GLDC: variants seen among roughly 807,000 people sequenced by gnomAD.
The protein encoded by GLDC is glycine decarboxylase.
In GLDC, 104 loss-of-function variants were observed where a neutral mutation model predicts 121.3. The ratio of observed to expected loss-of-function variants is 0.86; its 90% confidence interval spans 0.73 to 1.01. The LOEUF is 1.01. Among genes scored for constraint, GLDC ranks in the 50% least tolerant of loss-of-function variants. The probability of loss-of-function intolerance (pLI) is 0.00; values close to 1 mark genes in which losing one functional copy is unlikely to be tolerated. For missense variants in GLDC, 1,429 were observed against 1,306.6 expected, an observed-to-expected ratio of 1.09 and a Z score of -1.44; for synonymous variants, 546 against 480.6, an observed-to-expected ratio of 1.14 and a Z score of -1.78.
intron 15 of GLDC, among the ~76,000 whole-genome samples, chr9:6,572,962 G>A (rs1183038936): frequency 2.0e-5 from 3 of 152,128 alleles, no homozygotes; most frequent in African/African-American, 7.2e-5. Context: ...AGCCACCCGG[G>A]AGTTTCTCTC....
At chr9:6,607,968 C>A (rs1317858732) in intron 4 of GLDC, among the ~76,000 whole-genome samples, 13 of 151,680 alleles carry the variant, frequency 8.6e-5, no homozygotes, top group Admixed American at 8.5e-4. Context: ...ACAAAAAATA[C>A]AAAAATTAGC....
intron 15 of GLDC, among the ~76,000 whole-genome samples, chr9:6,579,018 G>C (rs963889616): frequency 6.6e-5 from 10 of 152,190 alleles, no homozygotes; most frequent in African/African-American, 2.4e-4. Flanking sequence ...TGTTTGTTAA[G>C]AAATCATTTA....
At chr9:6,622,283 T>C (rs922769455) in intron 2 of GLDC, among the ~76,000 whole-genome samples, 1 of 150,548 alleles carries the variant, frequency 6.6e-6, no homozygotes, top group East Asian at 2.0e-4. Context: ...CCTCTCCCTC[T>C]TTCCACGGGC....
chr9:6,625,390 GC>G (rs1411225656), intron 2 of GLDC, among the ~76,000 whole-genome samples: 1 of 152,148 alleles, frequency 6.6e-6, no homozygotes, highest in Non-Finnish European at 1.5e-5. Flanking sequence ...TTGGCTGCAT[GC>G]CTGGAGAAAA....
chr9:6,586,699 T>TC (rs1315498558), intron 15 of GLDC, among the ~76,000 whole-genome samples: 2 of 152,152 alleles, frequency 1.3e-5, no homozygotes, highest in African/African-American at 4.8e-5. Flanking sequence ...CCAGGTGTTG[T>TC]CCCCTCCCCG....
chr9:6,583,804 C>T (rs1395414747), intron 15 of GLDC, among the ~76,000 whole-genome samples: 1 of 152,116 alleles, frequency 6.6e-6, no homozygotes, highest in East Asian at 1.9e-4. Flanking sequence ...TACGAGGTTC[C>T]TAAAGTAGTC....
chr9:6,587,117 C>A, intron 15 of GLDC, 24 bp downstream of exon 15: 1 of 1,601,510 alleles, frequency 6.2e-7, no homozygotes, highest in Non-Finnish European at 8.5e-7. Flanking sequence ...ATTGCTGAAA[C>A]AATAAGAAAA....
intron 3 of GLDC, among the ~76,000 whole-genome samples, chr9:6,615,343 T>C (rs1818947281): frequency 6.6e-6 from 1 of 151,900 alleles, no homozygotes; most frequent in Admixed American, 6.6e-5. Flanking sequence ...CTGTCAGCAC[T>C]TTGGGAGGAA....
chr9:6,610,391 C>G (rs752603723), intron 3 of GLDC, 35 bp from the exon 4 acceptor site: 3 of 1,609,478 alleles, frequency 1.9e-6, no homozygotes, highest in South Asian at 1.1e-5. Flanking sequence ...TCCAAACTGA[C>G]TGCTGTTTAG....
chr9:6,562,631 C>T (rs544806330), intron 16 of GLDC, among the ~76,000 whole-genome samples: 23 of 152,308 alleles, frequency 1.5e-4, no homozygotes, highest in African/African-American at 5.1e-4. Flanking sequence ...GCGATCTCAG[C>T]TCACTGCAAC....
At chr9:6,569,787 C>A (rs369013616) in intron 15 of GLDC, among the ~76,000 whole-genome samples, 2 of 151,596 alleles carry the variant, frequency 1.3e-5, no homozygotes, top group Admixed American at 6.6e-5. Context: ...ACCAGCCTGG[C>A]GAACATGGCA....
chr9:6,605,457 C>T (rs188365484), intron 5 of GLDC, 179 bp from the exon 6 acceptor site: 11 of 664,584 alleles, frequency 1.7e-5, no homozygotes, highest in South Asian at 6.6e-5. Context: ...GCAACTCAAG[C>T]GCATCCAACA....
At chr9:6,552,319 G>C (rs888244908) in intron 20 of GLDC, among the ~76,000 whole-genome samples, 1 of 152,164 alleles carries the variant, frequency 6.6e-6, no homozygotes, top group Admixed American at 6.5e-5. Flanking sequence ...CCTATATGTG[G>C]GAAGTCATCT....
At chr9:6,621,043 A>C (rs1405637631) in intron 2 of GLDC, among the ~76,000 whole-genome samples, 1 of 152,128 alleles carries the variant, frequency 6.6e-6, no homozygotes. Context: ...GGTGGTTCAC[A>C]CCTGTGGTCC....
intron 2 of GLDC, among the ~76,000 whole-genome samples, chr9:6,640,428 G>T (rs1176801201): frequency 6.6e-6 from 1 of 152,196 alleles, no homozygotes; most frequent in African/African-American, 2.4e-5. Flanking sequence ...AGTTGCCCCT[G>T]GGGTCAGTTC....
intron 9 of GLDC, among the ~76,000 whole-genome samples, chr9:6,593,268 G>GATATATATAT (rs34438524): frequency 6.9e-5 from 10 of 143,918 alleles, no homozygotes; most frequent in African/African-American, 2.3e-4. Context: ...GGTAGTATCA[G>GATATATATAT]ATATATATAT....
In GLDC at chr9:6,578,042, G is replaced by A. The variant is rs77418145; in HGVS notation, c.1850+9099C>T. 2.0e-3 allele frequency among the ~76,000 whole-genome samples: 300 copies of A among 152,032 alleles called. 2 individuals carry two copies. The highest frequency in any genetic ancestry group is 6.5e-3 in the African/African-American group (270 of 41,444). ...CAATCCTCTGGCCTCGGCCTCTCGA[G>A]TAGCTGGGACTACAGAAACACGCCA... is the stretch of plus-strand genomic sequence containing the variant. On this transcript the variant is annotated intron_variant, in intron 15 of 24. Transcript: ENST00000321612.
At chr9:6,631,816 C>G (rs1249084088) in intron 2 of GLDC, among the ~76,000 whole-genome samples, 1 of 152,196 alleles carries the variant, frequency 6.6e-6, no homozygotes, top group African/African-American at 2.4e-5. Context: ...CCTGTAATCC[C>G]AGCAATTTGG....
intron 2 of GLDC, among the ~76,000 whole-genome samples, chr9:6,629,955 A>T (rs71490276): frequency 0.087 from 7,293 of 84,236 alleles, 823 homozygotes; most frequent in African/African-American, 0.25. Context: ...GTATATATAT[A>T]TATTTTTTTT....
Sources: gnomAD v4.1 joint callset for allele counts (sites outside exome capture counted in the v4.1 genomes callset) on GRCh38, gnomAD v4.1.1 for gene constraint, MANE v1.5 for transcripts, NCBI Gene and HGNC (gene_info 2026-07-23, HGNC 2026-07-21) for gene names.